Variants in PIGK observed in about 807,000 individuals in gnomAD.
The protein encoded by PIGK is GPI-anchor transamidase.
In PIGK, 42 loss-of-function variants were observed where a neutral mutation model predicts 50.6. The ratio of observed to expected loss-of-function variants is 0.83; its 90% CI spans 0.65 to 1.07. The LOEUF (loss-of-function observed/expected upper bound fraction) is 1.07. Ranked by LOEUF, PIGK falls within the 50% of genes least tolerant of loss-of-function variation. The pLI, the probability that PIGK is intolerant of heterozygous loss-of-function variation, is 0.00. For missense variants in PIGK, 448 were observed against 488.7 expected (o/e 0.92, Z 0.78); for synonymous variants, 151 against 156.0 (o/e 0.97, Z 0.24).
chr1:77,129,225 G>A (rs1365968233), intron 9 of PIGK: 2 of 1,599,966 alleles, frequency 1.3e-6, no homozygotes, highest in Admixed American at 3.3e-5. Context: ...GGCCATCAAG[G>A]GTATGCATAT....
At chr1:77,097,437 C>T (rs909703481) in intron 10 of PIGK, among the ~76,000 whole-genome samples, 1 of 152,072 alleles carries the variant, frequency 6.6e-6, no homozygotes, top group African/African-American at 2.4e-5. Context: ...ATGTTGCGCC[C>T]GTGCTGGAGA....
At chr1:77,186,213 G>A (rs1403860789) in intron 3 of PIGK, among the ~76,000 whole-genome samples, 1 of 152,236 alleles carries the variant, frequency 6.6e-6, no homozygotes, top group Non-Finnish European at 1.5e-5. Context: ...ATGATCAGCT[G>A]ATGGAGGAAG....
intron 3 of PIGK, among the ~76,000 whole-genome samples, chr1:77,170,835 A>C (rs1655342676): frequency 6.6e-6 from 1 of 152,194 alleles, no homozygotes. Context: ...GTTTGGCAGG[A>C]GACAGCAAGA....
chr1:77,124,864 C>A (rs1175315498), intron 9 of PIGK, among the ~76,000 whole-genome samples: 2 of 152,120 alleles, frequency 1.3e-5, no homozygotes, highest in African/African-American at 2.4e-5. Context: ...CAAGGACATT[C>A]TTAAGTGCAA....
chr1:77,187,068 C>T (rs1655767050), intron 3 of PIGK, among the ~76,000 whole-genome samples: 2 of 152,190 alleles, frequency 1.3e-5, no homozygotes, highest in African/African-American at 4.8e-5. Context: ...ATCATCACCT[C>T]TGAACAATGC....
intron 5 of PIGK, among the ~76,000 whole-genome samples, chr1:77,165,505 T>C (rs10493600): frequency 0.11 from 17,033 of 151,978 alleles, 1,290 homozygotes; most frequent in African/African-American, 0.21. Flanking sequence ...ACCTGCTTTA[T>C]CATCAGTTGA....
intron 3 of PIGK, among the ~76,000 whole-genome samples, chr1:77,181,314 A>G (rs1190805339): frequency 6.6e-6 from 1 of 152,150 alleles, no homozygotes; most frequent in Non-Finnish European, 1.5e-5. Context: ...TAAAAAAAAT[A>G]TACATATTTC....
At chr1:77,213,832 T>C (rs982462134) in intron 1 of PIGK, among the ~76,000 whole-genome samples, 10 of 151,868 alleles carry the variant, frequency 6.6e-5, no homozygotes, top group Admixed American at 3.3e-4. Context: ...AATAAATATA[T>C]TCAGAAACAA....
At chr1:77,142,984 A>G (rs114484200) in intron 9 of PIGK, among the ~76,000 whole-genome samples, 1 of 152,196 alleles carries the variant, frequency 6.6e-6, no homozygotes, top group Non-Finnish European at 1.5e-5. Flanking sequence ...CACTTGTAGA[A>G]TATTTGAAAA....
intron 3 of PIGK, among the ~76,000 whole-genome samples, chr1:77,204,619 T>C (rs839815): frequency 0.99 from 150,472 of 152,134 alleles, 74,430 homozygotes; most frequent in Middle Eastern, 1. Flanking sequence ...ATGTCTCCCC[T>C]GGACATCCAG....
rs563823776 is a variant in PIGK at position 77,178,202 on chromosome 1, G to A, written c.240-8807C>T. On this transcript the variant is annotated intron_variant, in intron 3 of 10. Transcript: ENST00000370812. ...CCCAATGTACACGATAAACTTTAAT[G>A]GTATATACATTGCCTCATAATCAGT... is the stretch of plus-strand genomic sequence containing the variant. Among the ~76,000 whole-genome samples the A allele has an allele frequency of 3.3e-4, 51 of 152,272 alleles. 1 individual carries two copies. Among genetic ancestry groups the A allele is most frequent in the African/African-American group, 1.2e-3 (50 of 41,560 alleles).
intron 3 of PIGK, among the ~76,000 whole-genome samples, chr1:77,183,521 G>A (rs748735233): frequency 5.9e-5 from 9 of 152,154 alleles, no homozygotes; most frequent in Non-Finnish European, 1.2e-4. Context: ...GGTTCAGAGT[G>A]TGACCCATGA....
At position 77,159,822 on chromosome 1, in the gene PIGK, G is replaced by C. The variant is rs1269711539; in HGVS notation, c.813+1473C>G. ...TAACTAACTTGCTTTTGATTTTGCA[G>C]GCTCACAGGCAGAAGGGACTTGTCT... On this transcript the variant is annotated intron_variant, in intron 8 of 10. Coordinates refer to ENST00000370812, the MANE Select transcript of PIGK (RefSeq NM_005482.3). Among the ~76,000 whole-genome samples the C allele has an allele frequency of 2.0e-5, 3 of 152,168 alleles. No homozygotes were observed. In the East Asian group the frequency reaches 5.8e-4, roughly 29 times the overall value.
chr1:77,095,569 T>C (rs1653388761), intron 10 of PIGK, among the ~76,000 whole-genome samples: 1 of 151,964 alleles, frequency 6.6e-6, no homozygotes, highest in South Asian at 2.1e-4. Flanking sequence ...GCAAGCAATA[T>C]GACAAAAGGG....
At chr1:77,122,855 C>T (rs768175873) in intron 9 of PIGK, among the ~76,000 whole-genome samples, 1 of 152,166 alleles carries the variant, frequency 6.6e-6, no homozygotes, top group Non-Finnish European at 1.5e-5. Flanking sequence ...CAACAATTCT[C>T]TTCTTTATTT....
chr1:77,093,325 T>A (rs1215919344), intron 10 of PIGK, among the ~76,000 whole-genome samples: 1 of 152,102 alleles, frequency 6.6e-6, no homozygotes, highest in Non-Finnish European at 1.5e-5. Context: ...AAGACCAGTC[T>A]TCTCCATTTA....
intron 3 of PIGK, among the ~76,000 whole-genome samples, chr1:77,175,866 C>T (rs1327088969): frequency 1.3e-5 from 2 of 152,060 alleles, no homozygotes; most frequent in Non-Finnish European, 2.9e-5. Flanking sequence ...AGAATCTCAC[C>T]TTATGGCCAA....
chr1:77,111,775 T>C (rs988626340), intron 10 of PIGK, among the ~76,000 whole-genome samples: 40 of 151,986 alleles, frequency 2.6e-4, no homozygotes, highest in African/African-American at 8.7e-4. Context: ...AATAAAATTA[T>C]AAAGAAATTT....
intron 1 of PIGK, 49 bp from the exon 2 acceptor site, chr1:77,210,538 A>G: frequency 8.7e-7 from 1 of 1,155,820 alleles, no homozygotes; most frequent in Non-Finnish European, 1.3e-6. Flanking sequence ...TTCTCAGAAT[A>G]AAGACTGATA....
Sources: gnomAD v4.1 joint callset for allele counts (sites outside exome capture counted in the v4.1 genomes callset) on GRCh38, gnomAD v4.1.1 for gene constraint, MANE v1.5 for transcripts, NCBI Gene and HGNC (gene_info 2026-07-23, HGNC 2026-07-21) for gene names.